Variants in DCC observed in about 807,000 individuals in gnomAD.
The protein encoded by DCC is netrin receptor DCC.
DCC carries 58 observed loss-of-function variants against 172.5 expected under a neutral mutation model. That is an observed-to-expected ratio of 0.34 (90% CI 0.27 to 0.42). The LOEUF (loss-of-function observed/expected upper bound fraction) is 0.42. Ranked by LOEUF, DCC falls within the 10% of genes least tolerant of loss-of-function variation. The pLI is 1.00. For synonymous variants in DCC, 709 were observed against 644.5 expected (o/e 1.10, Z -1.52); for missense variants, 1,740 against 1,791.0 (o/e 0.97, Z 0.51).
chr18:52,366,067 C>T (rs1984836079), intron 1 of DCC, among the ~76,000 whole-genome samples: 1 of 152,074 alleles, frequency 6.6e-6, no homozygotes, highest in African/African-American at 2.4e-5. Context: ...ATTTTACAAC[C>T]TTTGTAATGC....
chr18:52,553,601 T>C (rs1474135931), intron 1 of DCC, among the ~76,000 whole-genome samples: 2 of 151,432 alleles, frequency 1.3e-5, no homozygotes, highest in Non-Finnish European at 2.9e-5. Context: ...GATGAATGAG[T>C]GAGGAACCCT....
intron 2 of DCC, among the ~76,000 whole-genome samples, chr18:52,828,501 TA>T (rs1034036609): frequency 6.6e-6 from 1 of 152,040 alleles, no homozygotes; most frequent in African/African-American, 2.4e-5. Flanking sequence ...GCTATTGTCT[TA>T]AAGATACCGA....
chr18:52,464,233 CT>C (rs1988716350), intron 1 of DCC, among the ~76,000 whole-genome samples: 1 of 152,076 alleles, frequency 6.6e-6, no homozygotes, highest in Non-Finnish European at 1.5e-5. Flanking sequence ...GAAACACTTT[CT>C]TATATATACT....
chr18:52,751,276 C>G (rs1805927027), intron 1 of DCC, among the ~76,000 whole-genome samples: 1 of 152,190 alleles, frequency 6.6e-6, no homozygotes, highest in Admixed American at 6.5e-5. Context: ...AAATGCTATA[C>G]TGCCAGCTTC....
intron 14 of DCC, among the ~76,000 whole-genome samples, chr18:53,332,502 T>A (rs959504360): frequency 6.6e-6 from 1 of 152,170 alleles, no homozygotes; most frequent in East Asian, 1.9e-4. Flanking sequence ...TTGATGAGTA[T>A]GACACATGCA....
chr18:53,009,460 C>T (rs1382367874), intron 5 of DCC, among the ~76,000 whole-genome samples: 1 of 151,808 alleles, frequency 6.6e-6, no homozygotes, highest in Non-Finnish European at 1.5e-5. Flanking sequence ...GTTGGTTATG[C>T]TGAAGTGGTG....
rs373845846 is a variant in DCC, at chr18:53,412,316, GT to G, written c.3130+1675del. ...ACATGTTGTTTATATGCTAAAATAA[GT>G]TTTTGATCATTTAAAATTACTCAGA... On this transcript the variant is annotated intron_variant, in intron 20 of 28. Coordinates refer to ENST00000442544, the MANE Select transcript of DCC (RefSeq NM_005215.4). 2.4e-3 allele frequency among the ~76,000 whole-genome samples: 369 copies of G among 152,124 alleles called. 1 individual carries two copies. The highest frequency in any genetic ancestry group is 7.4e-3 in the African/African-American group (309 of 41,506).
intron 24 of DCC, among the ~76,000 whole-genome samples, chr18:53,461,983 G>C (rs1448010331): frequency 6.6e-6 from 1 of 152,194 alleles, no homozygotes; most frequent in Non-Finnish European, 1.5e-5. Flanking sequence ...CAGAAACACT[G>C]TTACATCTTT....
At chr18:52,767,121 T>C (rs997918512) in intron 2 of DCC, among the ~76,000 whole-genome samples, 1 of 150,002 alleles carries the variant, frequency 6.7e-6, no homozygotes, top group South Asian at 2.1e-4. Context: ...TCTGCAAACA[T>C]ACGAGATTAT....
intron 7 of DCC, among the ~76,000 whole-genome samples, chr18:53,097,509 G>A (rs1301689272): frequency 1.3e-5 from 2 of 152,188 alleles, no homozygotes; most frequent in Non-Finnish European, 2.9e-5. Flanking sequence ...GGGGAAGATA[G>A]ATGAGTATAG....
chr18:52,508,516 GA>G (rs1168612471), intron 1 of DCC, among the ~76,000 whole-genome samples: 16 of 152,096 alleles, frequency 1.1e-4, no homozygotes, highest in Non-Finnish European at 1.3e-4. Flanking sequence ...CCACATAAAA[GA>G]TATGAAAAAA....
intron 5 of DCC, among the ~76,000 whole-genome samples, chr18:53,036,078 G>A (rs1419352326): frequency 6.6e-6 from 1 of 152,002 alleles, no homozygotes; most frequent in East Asian, 1.9e-4. Flanking sequence ...TTGCTTTAGA[G>A]AGTATCAATT....
At chr18:52,428,828 C>T (rs1987527168) in intron 1 of DCC, among the ~76,000 whole-genome samples, 1 of 151,942 alleles carries the variant, frequency 6.6e-6, no homozygotes, top group Admixed American at 6.6e-5. Context: ...TTCTCTAACC[C>T]CTGGAAACAC....
chr18:53,484,044 A>G (rs1056062558), intron 25 of DCC, among the ~76,000 whole-genome samples: 5 of 151,888 alleles, frequency 3.3e-5, no homozygotes, highest in African/African-American at 1.2e-4. Context: ...ATGAATGAGT[A>G]CTATAACAAT....
chr18:52,950,260 AAAAC>A (rs1302868756), intron 5 of DCC, among the ~76,000 whole-genome samples: 1 of 152,180 alleles, frequency 6.6e-6, no homozygotes, highest in African/African-American at 2.4e-5. Flanking sequence ...CTCTTAATTG[AAAAC>A]AAACTCTAAT....
chr18:53,360,403 G>A (rs981776754), intron 15 of DCC, among the ~76,000 whole-genome samples: 2 of 152,164 alleles, frequency 1.3e-5, no homozygotes, highest in East Asian at 1.9e-4. Context: ...TTTGAGAGAG[G>A]TGAGTGGGTA....
intron 12 of DCC, among the ~76,000 whole-genome samples, chr18:53,284,323 T>C (rs2056909719): frequency 6.6e-6 from 1 of 152,098 alleles, no homozygotes; most frequent in Non-Finnish European, 1.5e-5. Flanking sequence ...GAATTGTAAC[T>C]CCCACAATCC....
chr18:53,488,077 C>T (rs527841024), intron 26 of DCC, among the ~76,000 whole-genome samples: 5 of 152,332 alleles, frequency 3.3e-5, no homozygotes, highest in Admixed American at 6.5e-5. Flanking sequence ...TTGTCTCCTA[C>T]ACTCTTTTGA....
chr18:52,784,310 C>A (rs75493591), intron 2 of DCC, among the ~76,000 whole-genome samples: 5,666 of 152,126 alleles, frequency 0.037, 199 homozygotes, highest in South Asian at 0.16. Context: ...TTTTCTTTAT[C>A]CATTTACTCG....
Sources: gnomAD v4.1 joint callset for allele counts (sites outside exome capture counted in the v4.1 genomes callset) on GRCh38, gnomAD v4.1.1 for gene constraint, MANE v1.5 for transcripts, NCBI Gene and HGNC (gene_info 2026-07-23, HGNC 2026-07-21) for gene names.